Variants in ZC3H12B observed in about 807,000 individuals in gnomAD.
The protein encoded by ZC3H12B is zinc finger CCCH-type containing 12B.
ZC3H12B carries 7 observed loss-of-function variants against 43.9 expected under a neutral mutation model. The ratio of observed to expected loss-of-function variants is 0.16; its 90% confidence interval spans 0.09 to 0.30. The LOEUF is 0.30. Ranked by LOEUF, ZC3H12B falls within the 10% of genes least tolerant of loss-of-function variation. The pLI is 1.00. For synonymous variants in ZC3H12B, 222 were observed against 241.7 expected, an observed-to-expected ratio of 0.92 and a Z score of 0.76; for missense variants, 475 against 670.2, an observed-to-expected ratio of 0.71 and a Z score of 3.22.
At chrX:65,207,487 ATGG>A in the ZC3H12B span, among the ~76,000 whole-genome samples, 8 of 110,575 alleles carry the variant, frequency 7.2e-5, no homozygotes, top group Non-Finnish European at 1.5e-4. Flanking sequence ...CTGAAGGAAA[ATGG>A]TGGGAAGGGA....
chrX:65,206,371 C>T, the ZC3H12B span, among the ~76,000 whole-genome samples: 1 of 111,647 alleles, frequency 9.0e-6, no homozygotes, highest in Non-Finnish European at 1.9e-5. Flanking sequence ...CACTTACAGC[C>T]AACTGATCTT....
At chrX:65,261,406 A>T in the ZC3H12B span, among the ~76,000 whole-genome samples, 1 of 111,278 alleles carries the variant, frequency 9.0e-6, no homozygotes, top group African/African-American at 3.3e-5. Flanking sequence ...CCATAATGTT[A>T]TGGCAGCGTA....
chrX:65,205,845 G>A, the ZC3H12B span, among the ~76,000 whole-genome samples: 7 of 111,468 alleles, frequency 6.3e-5, no homozygotes, highest in South Asian at 3.7e-4. Flanking sequence ...ATTAATGTAC[G>A]CACATCAGTA....
At chrX:65,054,260 T>C in the ZC3H12B span, among the ~76,000 whole-genome samples, 3 of 112,140 alleles carry the variant, frequency 2.7e-5, no homozygotes, top group Admixed American at 9.5e-5. Context: ...TTCAGGTCTT[T>C]AATCCATCTT....
the ZC3H12B span, among the ~76,000 whole-genome samples, chrX:65,101,470 A>T: frequency 4.5e-5 from 5 of 111,922 alleles, no homozygotes; most frequent in Non-Finnish European, 9.4e-5. Context: ...TTTTGAAAAG[A>T]TTAACAAAAT....
intron 3 of ZC3H12B, among the ~76,000 whole-genome samples, chrX:65,434,931 A>C: frequency 9.0e-6 from 1 of 111,185 alleles, no homozygotes; most frequent in East Asian, 2.8e-4. Flanking sequence ...TTTCTCTGGA[A>C]AAAAGAAAAA....
Position 65,431,563 on chromosome X carries a change from G to A in ZC3H12B, n.407+32859G>A, listed in dbSNP as rs142411581. ...ATAGGGGTGGCTGGTGAAAGATGCT[G>A]ATGGATATTTACAAAATGAGTCATT... On this transcript the variant is annotated intron_variant and non_coding_transcript_variant, in intron 3 of 5. Coordinates refer to the ZC3H12B transcript ENST00000617377. 2.5e-3 allele frequency among the ~76,000 whole-genome samples: 281 copies of A among 112,324 alleles called. 2 individuals carry two copies. Among genetic ancestry groups the A allele is most frequent in the African/African-American group, 8.6e-3 (267 of 30,991 alleles).
the ZC3H12B span, among the ~76,000 whole-genome samples, chrX:65,280,528 C>A: frequency 9.0e-6 from 1 of 111,646 alleles, no homozygotes; most frequent in Non-Finnish European, 1.9e-5. Context: ...CAACATAGTA[C>A]TGAAAGCCCA....
At chrX:65,255,058 A>G in the ZC3H12B span, among the ~76,000 whole-genome samples, 1 of 111,977 alleles carries the variant, frequency 8.9e-6, no homozygotes, top group Non-Finnish European at 1.9e-5. Flanking sequence ...AGAAATATGG[A>G]ATTATATAAA....
At chrX:65,061,139 TTTA>T in the ZC3H12B span, among the ~76,000 whole-genome samples, 1 of 111,799 alleles carries the variant, frequency 8.9e-6, no homozygotes, top group Non-Finnish European at 1.9e-5. Flanking sequence ...TTTTTTTATT[TTTA>T]TTCTTATTTT....
the ZC3H12B span, among the ~76,000 whole-genome samples, chrX:65,241,829 C>T: frequency 8.9e-6 from 1 of 111,791 alleles, no homozygotes; most frequent in Non-Finnish European, 1.9e-5. Flanking sequence ...CTGCTTGGCT[C>T]CCTGGATTCA....
the ZC3H12B span, among the ~76,000 whole-genome samples, chrX:65,068,340 A>G: frequency 9.1e-6 from 1 of 110,328 alleles, no homozygotes; most frequent in Non-Finnish European, 1.9e-5. Context: ...CTCTGGTGAT[A>G]TGATTTACTT....
the ZC3H12B span, among the ~76,000 whole-genome samples, chrX:65,148,153 G>A: frequency 9.0e-6 from 1 of 111,402 alleles, no homozygotes; most frequent in Non-Finnish European, 1.9e-5. Context: ...TATATCCACA[G>A]GTGCCAGCCT....
the ZC3H12B span, among the ~76,000 whole-genome samples, chrX:65,114,002 TA>T: frequency 1.8e-5 from 1 of 54,964 alleles, no homozygotes; most frequent in Non-Finnish European, 4.7e-5. Context: ...TATATATATA[TA>T]TATATATATA....
chrX:65,156,349 T>A, the ZC3H12B span, among the ~76,000 whole-genome samples: 1 of 111,365 alleles, frequency 9.0e-6, no homozygotes, highest in Admixed American at 9.6e-5. Context: ...TATCAGCACA[T>A]GCTGCCACAA....
the ZC3H12B span, among the ~76,000 whole-genome samples, chrX:65,066,759 G>C: frequency 8.9e-6 from 1 of 111,999 alleles, no homozygotes; most frequent in Non-Finnish European, 1.9e-5. Context: ...TCCCTCATGT[G>C]CTCTGTCCCA....
the ZC3H12B span, among the ~76,000 whole-genome samples, chrX:65,297,881 A>T: frequency 2.7e-5 from 3 of 111,821 alleles, no homozygotes; most frequent in African/African-American, 9.8e-5. Context: ...AAGCAAACAA[A>T]AAGATAAACT....
At chrX:65,148,555 C>T in the ZC3H12B span, among the ~76,000 whole-genome samples, 4 of 110,980 alleles carry the variant, frequency 3.6e-5, no homozygotes, top group South Asian at 1.5e-3. Flanking sequence ...TCTGAGTAGT[C>T]TAGCCTGCAC....
At chrX:65,197,673 A>T in the ZC3H12B span, among the ~76,000 whole-genome samples, 1 of 112,273 alleles carries the variant, frequency 8.9e-6, no homozygotes, top group Non-Finnish European at 1.9e-5. Context: ...TGTTTTACCT[A>T]CAAAAATAGT....
Sources: allele counts gnomAD v4.1 joint callset (sites outside exome capture counted in the v4.1 genomes callset), GRCh38; gene constraint gnomAD v4.1.1; transcripts MANE v1.5; gene names NCBI Gene and HGNC (gene_info 2026-07-23, HGNC 2026-07-21).